Variants in TSNARE1 observed in about 807,000 individuals in gnomAD.
The protein encoded by TSNARE1 is t-SNARE domain-containing protein 1.
A neutral mutation model predicts 62.0 loss-of-function variants in TSNARE1; 49 were observed. That is an observed-to-expected ratio of 0.79 (90% CI 0.63 to 1.00). The LOEUF (loss-of-function observed/expected upper bound fraction) is 1.00, where lower values mean the gene tolerates loss of function less well. Ranked by LOEUF, TSNARE1 falls within the 50% of genes least tolerant of loss-of-function variation. The pLI is 0.00. For missense variants in TSNARE1, 755 were observed against 700.1 expected (o/e 1.08, Z -0.88); for synonymous variants, 328 against 294.4 (o/e 1.11, Z -1.17).
intron 1 of TSNARE1, among the ~76,000 whole-genome samples, chr8:142,362,608 G>A (rs1382287922): frequency 1.3e-5 from 2 of 152,114 alleles, no homozygotes; most frequent in African/African-American, 2.4e-5. Flanking sequence ...GGGGGCCAGC[G>A]CTTCCTCTCA....
At chr8:142,269,994 TC>T (rs1819379425) in intron 12 of TSNARE1, 1 of 985,408 alleles carries the variant, frequency 1.0e-6, no homozygotes, top group African/African-American at 1.7e-5. Context: ...TGCCAGAGCT[TC>T]CCCGGAAGCT....
At chr8:142,272,763 G>C in intron 12 of TSNARE1, 1 of 975,352 alleles carries the variant, frequency 1.0e-6, no homozygotes, top group Non-Finnish European at 1.2e-6. Context: ...GACATTCTAC[G>C]CAGAGGCGAC....
intron 6 of TSNARE1, among the ~76,000 whole-genome samples, chr8:142,322,748 A>T (rs1829648373): frequency 6.6e-6 from 1 of 151,882 alleles, no homozygotes; most frequent in African/African-American, 2.4e-5. Flanking sequence ...TTGTTATGAA[A>T]GGCTGGCCTG....
chr8:142,307,213 G>C (rs906459563), intron 9 of TSNARE1, among the ~76,000 whole-genome samples: 1 of 152,208 alleles, frequency 6.6e-6, no homozygotes, highest in Non-Finnish European at 1.5e-5. Context: ...CGTTATGTCC[G>C]AGACATCACC....
intron 12 of TSNARE1, among the ~76,000 whole-genome samples, chr8:142,244,143 G>A (rs541893865): frequency 1.1e-4 from 17 of 152,332 alleles, no homozygotes; most frequent in African/African-American, 3.6e-4. Flanking sequence ...CCGAGATCGC[G>A]CCACTGCACT....
At chr8:142,225,264 G>A (rs984334177) in intron 13 of TSNARE1, among the ~76,000 whole-genome samples, 2 of 151,550 alleles carry the variant, frequency 1.3e-5, no homozygotes, top group East Asian at 2.0e-4. Flanking sequence ...AATCTCCAGC[G>A]AGACCCCAGG....
intron 1 of TSNARE1, among the ~76,000 whole-genome samples, chr8:142,359,493 A>G (rs548506299): frequency 3.9e-5 from 6 of 152,234 alleles, no homozygotes; most frequent in Non-Finnish European, 8.8e-5. Context: ...AAAGAACAAG[A>G]AGCCCAGCCC....
At chr8:142,225,554 C>T (rs189403077) in intron 13 of TSNARE1, among the ~76,000 whole-genome samples, 153 of 152,330 alleles carry the variant, frequency 1.0e-3, no homozygotes, top group African/African-American at 3.1e-3. Context: ...GCTGGCTCCT[C>T]CCCTCTGCCT....
At chr8:142,285,961 A>T (rs990149881) in intron 10 of TSNARE1, among the ~76,000 whole-genome samples, 3 of 152,148 alleles carry the variant, frequency 2.0e-5, no homozygotes, top group Non-Finnish European at 4.4e-5. Flanking sequence ...CCCATCTAAC[A>T]GAGCAGGGAT....
chr8:142,252,045 C>T (rs916938006), intron 12 of TSNARE1, among the ~76,000 whole-genome samples: 19 of 145,158 alleles, frequency 1.3e-4, no homozygotes, highest in Admixed American at 4.8e-4. Flanking sequence ...CCGCCGCCCA[C>T]GTTCTCTATC....
chr8:142,396,462 T>A (rs947159256), intron 1 of TSNARE1, among the ~76,000 whole-genome samples: 5 of 152,170 alleles, frequency 3.3e-5, no homozygotes, highest in African/African-American at 4.8e-5. Context: ...TGTGAACCCC[T>A]GCCACACTCT....
chr8:142,287,536 T>C (rs537362854), intron 10 of TSNARE1, among the ~76,000 whole-genome samples: 42 of 93,288 alleles, frequency 4.5e-4, no homozygotes, highest in Admixed American at 6.4e-4. Context: ...ATCTCGGGGA[T>C]GGTGGGGCTC....
intron 1 of TSNARE1, among the ~76,000 whole-genome samples, chr8:142,383,774 G>A (rs544648124): frequency 3.9e-5 from 6 of 152,238 alleles, no homozygotes; most frequent in Non-Finnish European, 7.4e-5. Context: ...GTATGGCTAC[G>A]TACATATTTT....
intron 2 of TSNARE1, among the ~76,000 whole-genome samples, chr8:142,353,695 C>A (rs1205472651): frequency 6.6e-6 from 1 of 152,152 alleles, no homozygotes; most frequent in Non-Finnish European, 1.5e-5. Flanking sequence ...GGCCTCATTC[C>A]CTGAACAGGC....
intron 10 of TSNARE1, among the ~76,000 whole-genome samples, chr8:142,293,731 C>A (rs1824206809): frequency 6.6e-6 from 1 of 152,236 alleles, no homozygotes; most frequent in Non-Finnish European, 1.5e-5. Flanking sequence ...GATCGAGGGT[C>A]ATCTCCTGCT....
chr8:142,342,405 C>T (rs779286124), intron 4 of TSNARE1, among the ~76,000 whole-genome samples: 2 of 152,170 alleles, frequency 1.3e-5, no homozygotes, highest in African/African-American at 4.8e-5. Context: ...CTGCGGTCCT[C>T]GCCACACACT....
chr8:142,228,676 AC>A (rs148602531), intron 13 of TSNARE1, among the ~76,000 whole-genome samples: 6,553 of 152,204 alleles, frequency 0.043, 154 homozygotes, highest in South Asian at 0.073. Flanking sequence ...AACACAGGGC[AC>A]CCCTCTGCCA....
intron 2 of TSNARE1, among the ~76,000 whole-genome samples, chr8:142,346,675 T>C (rs960201449): frequency 1.3e-5 from 2 of 152,180 alleles, no homozygotes; most frequent in African/African-American, 2.4e-5. Context: ...TCCTGGTAGG[T>C]CACAAGGATG....
intron 13 of TSNARE1, among the ~76,000 whole-genome samples, chr8:142,223,137 T>TCCAC (rs1816532983): frequency 9.6e-5 from 2 of 20,878 alleles, no homozygotes; most frequent in Non-Finnish European, 1.2e-4. Context: ...CATTCACTCA[T>TCCAC]TCACTCATCC....
Sources: gnomAD v4.1 joint callset for allele counts (sites outside exome capture counted in the v4.1 genomes callset) on GRCh38, gnomAD v4.1.1 for gene constraint, MANE v1.5 for transcripts, NCBI Gene and HGNC (gene_info 2026-07-23, HGNC 2026-07-21) for gene names.